Variants in IGSF9 observed in about 807,000 individuals in gnomAD.
The protein encoded by IGSF9 is immunoglobulin superfamily member 9.
In IGSF9, 87 loss-of-function variants were observed where a neutral mutation model predicts 121.7. The observed-to-expected ratio is 0.71, with a 90% CI of 0.60 to 0.85. The LOEUF (loss-of-function observed/expected upper bound fraction) is 0.85, where lower values mean the gene tolerates loss of function less well. Among genes scored for constraint, IGSF9 ranks in the 40% least tolerant of loss-of-function variants. The pLI is 0.00. For missense variants in IGSF9, 1,462 were observed against 1,565.3 expected (o/e 0.93, Z 1.11); for synonymous variants, 640 against 648.4 (o/e 0.99, Z 0.20).
At chr1:159,937,597 A>G in intron 4 of IGSF9, 89 bp downstream of exon 4, 1 of 1,400,774 alleles carries the variant, frequency 7.1e-7, no homozygotes, top group Non-Finnish European at 1.0e-6. Flanking sequence ...ATGGAAATAG[A>G]ACTCCCTCTT....
chr1:159,940,633 C>T (rs370181654), intron 3 of IGSF9, among the ~76,000 whole-genome samples: 1 of 152,200 alleles, frequency 6.6e-6, no homozygotes, highest in East Asian at 1.9e-4. Context: ...GCTAACTGCG[C>T]CCAGACATTG....
chr1:159,934,916 T>C, intron 6 of IGSF9, 94 bp from the exon 7 acceptor site: 1 of 1,477,946 alleles, frequency 6.8e-7, no homozygotes. Context: ...CTCTGCTCTC[T>C]GGAATCTTAG....
Position 159,927,367 on chromosome 1 carries a change from G to A in IGSF9, c.3518C>T (p.Pro1173Leu). ...TGTTCACAGCAGAGTGGCCTGTTCG[G>A]GGTGGGGGACTGGCTGTCGATAGGC... ...LPAYRQPVPH[P>L]EQATLL The change falls in exon 21 of 21, where the codon CCC becomes CTC. Residue 1173 changes from proline (P) to leucine (L), a missense_variant. Pro to Leu is a moderately conservative substitution (Grantham distance 98, BLOSUM62 -3). This residue lies in a region of IGSF9 where 808 missense variants were observed against 815.2 expected (regional missense o/e 0.99). Transcript: ENST00000368094. 6.2e-7 allele frequency: 1 copy of A among 1,613,886 alleles called. No individual in the cohort carries two copies. Among genetic ancestry groups the A allele is most frequent in the South Asian group, 1.1e-5 (1 of 91,070 alleles).
chr1:159,932,407 T>G lies in IGSF9; in HGVS notation c.1245+105A>C. The G allele has an allele frequency of 2.0e-6, 2 of 980,874 alleles. No individual in the cohort carries two copies. The highest frequency in any genetic ancestry group is 3.0e-6 in the Non-Finnish European group (2 of 664,044). The allele number at this position is 980,874 out of a possible 1,614,324, so 60.8% of individuals were successfully genotyped here. A position where few individuals can be genotyped will look rare whatever the true frequency, so the allele number is the denominator to read the frequency against. ...CATGGGAAACAAACTTGGAAACCCC[T>G]CCCCATGTGTCTGCCCCACCCCACC... On this transcript the variant is annotated intron_variant, in intron 10 of 20. Transcript: ENST00000368094. The surrounding 1 kb of genome is among the most constrained non-coding windows in gnomAD (Gnocchi z 4.1).
chr1:159,941,788 T>C (rs889051766), intron 3 of IGSF9, among the ~76,000 whole-genome samples: 6 of 152,340 alleles, frequency 3.9e-5, no homozygotes, highest in Admixed American at 3.3e-4. Flanking sequence ...GGAGGGCTGG[T>C]GGGCACAGCC....
intron 3 of IGSF9, among the ~76,000 whole-genome samples, chr1:159,941,799 G>GT (rs1222544422): frequency 1.3e-5 from 2 of 152,208 alleles, no homozygotes; most frequent in Admixed American, 1.3e-4. Context: ...GGGCACAGCC[G>GT]TTTTTTTCTC....
intron 5 of IGSF9, 64 bp downstream of exon 5, chr1:159,936,690 C>G: frequency 6.3e-7 from 1 of 1,586,738 alleles, no homozygotes. Flanking sequence ...TCTGGCCCCA[C>G]TGCCAGGCCC....
At chr1:159,934,879 T>C in intron 6 of IGSF9, 57 bp from the exon 7 acceptor site, 7 of 1,601,582 alleles carry the variant, frequency 4.4e-6, no homozygotes, top group Non-Finnish European at 6.0e-6. Context: ...CCCAGAACCC[T>C]GAGGTCACCT....
rs137951399 is a variant in IGSF9, at chr1:159,934,568, C to A, written c.818G>T (p.Arg273Leu). Residue 273 changes from arginine (R) to leucine (L), a missense_variant and splice_region_variant, in exon 8 of 21, where the codon CGC (arginine) becomes CTC (leucine). Physicochemically the swap from Arg to Leu is moderately radical, Grantham distance 102. Coordinates refer to ENST00000368094, the MANE Select transcript of IGSF9 (RefSeq NM_001135050.2). Reference sequence around the variant, plus strand: ...CAGGATCCGCACCCGGGGCTGCAGGCGGCTGCAATGTGGCATGTGTGAGGA... The same window carrying A: ...CAGGATCCGCACCCGGGGCTGCAGGAGGCTGCAATGTGGCATGTGTGAGGA... ...QDNINVFHISRLQPRVRILVD... is the reference protein window; with the variant it reads ...QDNINVFHISLLQPRVRILVD... 6.2e-7 allele frequency: 1 copy of A among 1,613,680 alleles called. No homozygotes were observed. The highest frequency in any genetic ancestry group is 8.5e-7 in the Non-Finnish European group (1 of 1,179,738).
rs763220192 is a variant in IGSF9, at chr1:159,943,201, G to A, written c.59-50C>T. ...ACAACGGGGGGCTAGGGTCAGTGCT[G>A]GGAGGGGGAGTGCCATCAGTATCTC... is the stretch of plus-strand genomic sequence containing the variant. On this transcript the variant is annotated intron_variant, in intron 2 of 20. Coordinates refer to ENST00000368094, the MANE Select transcript of IGSF9 (RefSeq NM_001135050.2). 1.1e-5 allele frequency: 16 copies of A among 1,486,374 alleles called. No homozygotes were observed. In the South Asian group the frequency reaches 1.3e-4, roughly 12 times the overall value. The allele number at this position is 1,486,374 out of a possible 1,614,324, so 92.1% of individuals were successfully genotyped here. A position where few individuals can be genotyped will look rare whatever the true frequency, so the allele number is the denominator to read the frequency against.
At chr1:159,930,119 G>C in intron 15 of IGSF9, 70 bp downstream of exon 15, 1 of 1,553,764 alleles carries the variant, frequency 6.4e-7, no homozygotes, top group Non-Finnish European at 8.7e-7. Flanking sequence ...AGAAGATAGA[G>C]TTTGGGGAAT....
chr1:159,930,979 C>T lies in IGSF9; in HGVS notation c.1638-112G>A, dbSNP rs573106730. 15 of 1,439,396 alleles carry T rather than the reference C, an allele frequency of 1.0e-5. No individual in the cohort carries two copies. In the African/African-American group the frequency reaches 1.7e-4, roughly 16 times the overall value. The allele number at this position is 1,439,396 out of a possible 1,614,324, so 89.2% of individuals were successfully genotyped here. The stretch of plus-strand genomic sequence containing the variant: ...GCTCAACCATCCAAGGTCTCAGGAC[C>T]TTGGCCCTGAATGCCTCAGAATCTG... On this transcript the variant is annotated intron_variant, in intron 13 of 20. Transcript: ENST00000368094.
At chr1:159,936,214 T>C (rs1227061254) in intron 6 of IGSF9, among the ~76,000 whole-genome samples, 185 bp downstream of exon 6, 1 of 152,236 alleles carries the variant, frequency 6.6e-6, no homozygotes, top group Non-Finnish European at 1.5e-5. Flanking sequence ...GTCTGCTTAC[T>C]GAGCCTTTTA....
chr1:159,934,810 ATG>A lies in IGSF9; in HGVS notation c.684_685del (p.Ile229ArgfsTer22). The A allele has an allele frequency of 1.2e-6, 2 of 1,614,084 alleles. No homozygotes were observed. Among genetic ancestry groups the A allele is most frequent in the Non-Finnish European group, 1.7e-6 (2 of 1,180,004 alleles). On this transcript the variant is annotated frameshift_variant, in exon 7 of 21. Coordinates refer to ENST00000368094, the MANE Select transcript of IGSF9 (RefSeq NM_001135050.2). LOFTEE classifies it high-confidence loss of function. ...TGTGCTGTTCTTGGGGGGCACCACG[ATG>A]ACTGGGGGTCCTGTGGGATGCACAA...
At chr1:159,936,993 C>T (rs369614201) in intron 4 of IGSF9, 85 bp from the exon 5 acceptor site, 2 of 1,359,834 alleles carry the variant, frequency 1.5e-6, no homozygotes, top group Admixed American at 1.9e-5. Flanking sequence ...CCACTCAGGG[C>T]TCCAGCCTGC....
At position 159,943,462 on chromosome 1, in the gene IGSF9, C is replaced by A; in HGVS notation, c.-8G>T. 6.4e-7 allele frequency: 1 copy of A among 1,558,672 alleles called. No individual in the cohort carries two copies. The highest frequency in any genetic ancestry group is 8.7e-7 in the Non-Finnish European group (1 of 1,152,358). On this transcript the variant is annotated 5_prime_UTR_variant, in exon 2 of 21. Transcript: ENST00000368094. ...GCCGAGGCACCACACCATAGCCCAG[C>A]TGGCCTGCTCACCCAGCCCCTCCTA...
Position 159,937,610 on chromosome 1 carries a change from C to G in IGSF9, c.400+76G>C, listed in dbSNP as rs1164856065. The G allele has an allele frequency of 3.3e-6, 5 of 1,517,726 alleles. No individual in the cohort carries two copies. In the African/African-American group the frequency reaches 6.8e-5, roughly 21 times the overall value. The allele number at this position is 1,517,726 out of a possible 1,614,324, so 94.0% of individuals were successfully genotyped here. A position where few individuals can be genotyped will look rare whatever the true frequency, so the allele number is the denominator to read the frequency against. On this transcript the variant is annotated intron_variant, in intron 4 of 20. Coordinates refer to ENST00000368094, the MANE Select transcript of IGSF9 (RefSeq NM_001135050.2). ...GGATGGAAATAGAACTCCCTCTTCC[C>G]CTTTCTCCCACCAGCCAGAGATCCC...
chr1:159,939,232 CT>C (rs1557936644), intron 3 of IGSF9, among the ~76,000 whole-genome samples: 1 of 152,042 alleles, frequency 6.6e-6, no homozygotes, highest in East Asian at 1.9e-4. Flanking sequence ...ACAAATGGAG[CT>C]TTCTTTTTTT....
intron 17 of IGSF9, 57 bp downstream of exon 17, chr1:159,929,581 G>T: frequency 6.5e-7 from 1 of 1,545,394 alleles, no homozygotes. Flanking sequence ...GGTAGGAGGG[G>T]CTTAAGGAGG....
Sources: gnomAD v4.1 joint callset for allele counts (sites outside exome capture counted in the v4.1 genomes callset) on GRCh38, gnomAD v4.1.1 for gene constraint, gnomAD v4.1.1 regional missense constraint, Gnocchi (gnomAD v3.1) non-coding constraint, MANE v1.5 for transcripts, NCBI Gene and HGNC (gene_info 2026-07-23, HGNC 2026-07-21) for gene names.